The following TRIM31 variants were observed in gnomAD, a reference collection of about 807,000 sequenced individuals.
The protein encoded by TRIM31 is tripartite motif containing 31.
Under a neutral mutation model 40.6 loss-of-function variants are expected in TRIM31, and 31 were observed. The ratio of observed to expected loss-of-function variants is 0.76; its 90% CI spans 0.57 to 1.03. The LOEUF is 1.03. TRIM31 is among the 50% of genes least tolerant of loss of function. The probability of loss-of-function intolerance (pLI) is 0.00; values close to 1 mark genes in which losing one functional copy is unlikely to be tolerated. For missense variants in TRIM31, 455 were observed against 497.5 expected (o/e 0.91, Z 0.81); for synonymous variants, 164 against 193.9 (o/e 0.85, Z 1.28).
chr6:30,107,836 T>G, intron 6 of TRIM31: 2 of 510,844 alleles, frequency 3.9e-6, no homozygotes, highest in South Asian at 2.3e-5. Flanking sequence ...CTCGCAGGAG[T>G]CAGGGAGGCA....
rs762330247 is a variant in TRIM31, at chr6:30,112,412, C to A, written c.394G>T (p.Glu132Ter). The change falls in exon 2 of 9, where the codon GAA (glutamate) becomes TAA (stop). Residue 132 changes from glutamate to a stop codon, truncating the protein, a stop_gained. Transcript: ENST00000376734. LOFTEE classifies it high-confidence loss of function. Reference protein sequence around the residue: ...DHKSHNVSLIEEAAQNYQGQI... With the variant: ...DHKSHNVSLI ...ACCTGATAATTCTGGGCAGCTTCTT[C>A]GATCAAGCTGACATTATGGGATTTG... 2 of 1,611,814 alleles carry A rather than the reference C, an allele frequency of 1.2e-6. No individual in the cohort carries two copies. The highest frequency in any genetic ancestry group is 1.7e-6 in the Non-Finnish European group (2 of 1,179,462).
chr6:30,106,363 C>T (rs1768692714), intron 6 of TRIM31, among the ~76,000 whole-genome samples: 1 of 152,184 alleles, frequency 6.6e-6, no homozygotes, highest in Admixed American at 6.5e-5. Flanking sequence ...CCTGGGAGCA[C>T]TTCACCTACA....
chr6:30,105,081 C>G, intron 7 of TRIM31, 87 bp downstream of exon 7: 1 of 1,175,122 alleles, frequency 8.5e-7, no homozygotes, highest in Non-Finnish European at 1.2e-6. Context: ...TTATATCTGG[C>G]CTTCATGTAA....
intron 6 of TRIM31, among the ~76,000 whole-genome samples, chr6:30,107,095 C>T (rs7383537): frequency 0.47 from 71,378 of 151,450 alleles, 17,458 homozygotes; most frequent in East Asian, 0.75. Context: ...AGCAAAACTC[C>T]ATCAAAAATA....
chr6:30,111,680 C>T lies in TRIM31; in HGVS notation c.481G>A (p.Ala161Thr), dbSNP rs777392736. 3 of 1,614,218 alleles carry T rather than the reference C, an allele frequency of 1.9e-6. No homozygotes were observed. The highest frequency in any genetic ancestry group is 2.5e-6 in the Non-Finnish European group (3 of 1,180,038). Reference sequence around the variant, plus strand: ...ACATCGACCCTGTGTACACCTTGTGCCTTCACTTGTACTGTCTCCTTCTCC... The same window carrying T: ...ACATCGACCCTGTGTACACCTTGTGTCTTCACTTGTACTGTCTCCTTCTCC... ...QKEKETVQVK[A>T]QGVHRVDVFT... Residue 161 changes from alanine (A) to threonine (T), a missense_variant, in exon 3 of 9, where the codon GCA becomes ACA. Transcript: ENST00000376734.
chr6:30,112,874 C>A lies in TRIM31; in HGVS notation c.-69G>T. The stretch of plus-strand genomic sequence containing the variant: ...AAGTCTGTAGGAGCCCCGGAGTCCA[C>A]TGTGGATACTGTTTCTAGGAAGGGA... On this transcript the variant is annotated 5_prime_UTR_variant, in exon 2 of 9. Transcript: ENST00000376734. 6.9e-7 allele frequency: 1 copy of A among 1,456,860 alleles called. No homozygotes were observed. 90.2% of individuals were successfully genotyped at this position (1,456,860 alleles called of 1,614,324 possible). A position where few individuals can be genotyped will look rare whatever the true frequency, so the allele number is the denominator to read the frequency against.
chr6:30,109,900 C>A (rs1046297490), intron 4 of TRIM31, among the ~76,000 whole-genome samples: 2 of 151,934 alleles, frequency 1.3e-5, no homozygotes, highest in Non-Finnish European at 2.9e-5. Flanking sequence ...GGGTAAAGTA[C>A]TTTTTCCATT....
Position 30,110,694 on chromosome 6 carries a change from A to C in TRIM31, c.514-16T>G. 1.2e-6 allele frequency: 2 copies of C among 1,612,830 alleles called. No individual in the cohort carries two copies. Among genetic ancestry groups the C allele is most frequent in the South Asian group, 2.2e-5 (2 of 91,048 alleles). On this transcript the variant is annotated splice_polypyrimidine_tract_variant and intron_variant, in intron 3 of 8. Transcript: ENST00000376734. The stretch of plus-strand genomic sequence containing the variant: ...CTACCTGGTCCTAAGAAACAGGGAC[A>C]GGCAGAGGGTGAGAGGATGGCCTCG...
At position 30,110,463 on chromosome 6, in the gene TRIM31, G is replaced by T. The variant is rs1284770144; in HGVS notation, c.729C>A (p.Pro243=). 1.1e-5 allele frequency: 18 copies of T among 1,614,018 alleles called. No individual in the cohort carries two copies. The highest frequency in any genetic ancestry group is 1.3e-5 in the Non-Finnish European group (15 of 1,180,026). Residue 243 remains proline, a synonymous_variant, in exon 4 of 9, where the codon CCC becomes CCA. Transcript: ENST00000376734. ...DSLKTKQNMP[P]RQLLEDIKVV... ...AGGGACTCACCTCCAGCAGCTGCCTGGGTGGCATGTTCTGCTTGGTCTTCA... is the reference window on the plus strand; with the variant it reads ...AGGGACTCACCTCCAGCAGCTGCCTTGGTGGCATGTTCTGCTTGGTCTTCA...
Position 30,112,806 on chromosome 6 carries a change from GACAGAACA to G in TRIM31, c.-9_-2del, listed in dbSNP as rs1235541954. 1 of 1,601,272 alleles carries G rather than the reference GACAGAACA, an allele frequency of 6.2e-7. No individual in the cohort carries two copies. Among genetic ancestry groups the G allele is most frequent in the Non-Finnish European group, 8.5e-7 (1 of 1,174,286 alleles). On this transcript the variant is annotated 5_prime_UTR_variant, in exon 2 of 9. Coordinates refer to ENST00000376734, the MANE Select transcript of TRIM31 (RefSeq NM_007028.5). ...TGTTCACAAACTGCCCACTGGCCAT[GACAGAACA>G]ACAGGGCTGTTTCAAGACTGTAGGA...
At chr6:30,111,492 G>A in intron 3 of TRIM31, 156 bp downstream of exon 3, 1 of 688,030 alleles carries the variant, frequency 1.5e-6, no homozygotes, top group Non-Finnish European at 2.5e-6. Context: ...GGCCGACGCG[G>A]GAGGTGATGC....
chr6:30,103,524 C>A lies in TRIM31; in HGVS notation c.*12G>T, dbSNP rs1215933045. On this transcript the variant is annotated 3_prime_UTR_variant, in exon 9 of 9. Transcript: ENST00000376734. ...GTGTAGCACCACCGCTCCCCGTGTT[C>A]TCTGAGCTGGCTTAGCTTGAAGGAA... is the stretch of plus-strand genomic sequence containing the variant. 1 of 1,612,336 alleles carries A rather than the reference C, an allele frequency of 6.2e-7. No individual in the cohort carries two copies. The highest frequency in any genetic ancestry group is 1.1e-5 in the South Asian group (1 of 91,064).
At chr6:30,106,474 C>T (rs1021800871) in intron 6 of TRIM31, among the ~76,000 whole-genome samples, 4 of 152,114 alleles carry the variant, frequency 2.6e-5, no homozygotes, top group African/African-American at 9.7e-5. Context: ...ATAATAAGAA[C>T]TGTGGAGATT....
chr6:30,103,460 T>G lies in TRIM31; in HGVS notation c.*76A>C. 6.3e-7 allele frequency: 1 copy of G among 1,589,166 alleles called. No homozygotes were observed. The highest frequency in any genetic ancestry group is 1.1e-5 in the South Asian group (1 of 87,960). On this transcript the variant is annotated 3_prime_UTR_variant, in exon 9 of 9. Coordinates refer to ENST00000376734, the MANE Select transcript of TRIM31 (RefSeq NM_007028.5). Reference sequence around the variant, plus strand: ...ACTAAGTCAAGAACCGTGGTCGGTCTCAGCCACTCACTCAGCGCCACTCTA... The same window carrying G: ...ACTAAGTCAAGAACCGTGGTCGGTCGCAGCCACTCACTCAGCGCCACTCTA...
Position 30,112,541 on chromosome 6 carries a change from T to C in TRIM31, c.265A>G (p.Lys89Glu). ...CTCGGGCATGTAGCCTCTTTCCTTT[T>C]GGACTGCACCTCAGAGGCTTGTAGA... ...QALQASEVQS[K>E]RKEATCPRHQ... The change falls in exon 2 of 9, where the codon AAA (lysine) becomes GAA (glutamate). Residue 89 changes from lysine (K) to glutamate (E), a missense_variant. Lys to Glu is a moderately conservative substitution (Grantham distance 56, BLOSUM62 1). Coordinates refer to ENST00000376734, the MANE Select transcript of TRIM31 (RefSeq NM_007028.5). The C allele has an allele frequency of 6.2e-7, 1 of 1,613,138 alleles. No homozygotes were observed. Among genetic ancestry groups the C allele is most frequent in the Non-Finnish European group, 8.5e-7 (1 of 1,180,044 alleles).
chr6:30,108,271 G>A, intron 5 of TRIM31, 103 bp from the exon 6 acceptor site: 1 of 818,410 alleles, frequency 1.2e-6, no homozygotes, highest in Non-Finnish European at 2.1e-6. Flanking sequence ...GAAGACCTGG[G>A]GGTAGAACTG....
chr6:30,109,129 G>A, intron 4 of TRIM31, 81 bp from the exon 5 acceptor site: 2 of 1,446,798 alleles, frequency 1.4e-6, no homozygotes, highest in Non-Finnish European at 1.9e-6. Flanking sequence ...AGCCTGCTGG[G>A]TGTGGGGCAG....
rs370411701 is a variant in TRIM31, at chr6:30,110,586, C to T, written c.606G>A (p.Arg202=). 5.0e-6 allele frequency: 8 copies of T among 1,614,056 alleles called. No homozygotes were observed. In the African/African-American group the frequency reaches 5.3e-5, roughly 11 times the overall value. The change falls in exon 4 of 9, where the codon CGG becomes CGA. Residue 202 remains arginine, a synonymous_variant. Transcript: ENST00000376734. ...LEEEKNFLLS[R]IYWLGHEGTE... ...TTCCCTCATGACCCAGCCAGTAAAT[C>T]CGTGATAGCAGGAAATTCTTCTCCT...
chr6:30,108,052 C>T lies in TRIM31; in HGVS notation c.883+1G>A, dbSNP rs1768893013. 1.3e-6 allele frequency: 2 copies of T among 1,580,328 alleles called. No individual in the cohort carries two copies. The highest frequency in any genetic ancestry group is 1.7e-4 in the Middle Eastern group (1 of 6,004). The stretch of plus-strand genomic sequence containing the variant: ...TAGAGAAAATACAGCCTCTTCCTTA[C>T]CTTTGAATTTTTTTAGGCTCCCTGT... On this transcript the variant is annotated splice_donor_variant, in intron 6 of 8. Coordinates refer to ENST00000376734, the MANE Select transcript of TRIM31 (RefSeq NM_007028.5). LOFTEE classifies it high-confidence loss of function.
Sources: allele counts gnomAD v4.1 joint callset (sites outside exome capture counted in the v4.1 genomes callset), GRCh38; gene constraint gnomAD v4.1.1; transcripts MANE v1.5; gene names NCBI Gene and HGNC (gene_info 2026-07-23, HGNC 2026-07-21).